The following MARCHF4 variants were observed in gnomAD, a reference collection of about 807,000 sequenced individuals.
The protein encoded by MARCHF4 is membrane associated ring-CH-type finger 4.
In MARCHF4, 14 loss-of-function variants were observed where a neutral mutation model predicts 43.9. That is an observed-to-expected ratio of 0.32 (90% confidence interval 0.21 to 0.50). MARCHF4 has a LOEUF of 0.50. Among genes scored for constraint, MARCHF4 ranks in the 20% least tolerant of loss-of-function variants. The pLI, the probability that MARCHF4 is intolerant of heterozygous loss-of-function variation, is 0.98. For synonymous variants in MARCHF4, 226 were observed against 213.3 expected (o/e 1.06, Z -0.52); for missense variants, 468 against 536.7 (o/e 0.87, Z 1.27).
intron 1 of MARCHF4, among the ~76,000 whole-genome samples, chr2:216,302,419 G>A (rs1387897181): frequency 2.7e-5 from 4 of 149,934 alleles, no homozygotes; most frequent in African/African-American, 9.8e-5. Flanking sequence ...TAGTAGAGAC[G>A]GGGTTTCACC....
chr2:216,297,098 C>G (rs1361269106), intron 1 of MARCHF4, among the ~76,000 whole-genome samples: 3 of 152,230 alleles, frequency 2.0e-5, no homozygotes, highest in African/African-American at 7.2e-5. Flanking sequence ...ATCTGAATTA[C>G]TATGGCGTGT....
intron 1 of MARCHF4, among the ~76,000 whole-genome samples, chr2:216,348,569 G>A (rs1379585681): frequency 6.6e-6 from 1 of 152,140 alleles, no homozygotes; most frequent in East Asian, 1.9e-4. Context: ...GGTCTAAAAA[G>A]GGGAGGCATG....
chr2:216,320,658 TC>T (rs1691871901), intron 1 of MARCHF4, among the ~76,000 whole-genome samples: 4 of 122,882 alleles, frequency 3.3e-5, no homozygotes, highest in African/African-American at 7.6e-5. Context: ...TTTCTTTCTT[TC>T]TTTCTTTCTT....
intron 1 of MARCHF4, chr2:216,321,489 G>T (rs543026387): frequency 6.6e-6 from 1 of 152,286 alleles, no homozygotes; most frequent in Admixed American, 6.5e-5. Context: ...TATGAATGAT[G>T]GCTAGGAACT....
chr2:216,315,579 A>G (rs1206961164), intron 1 of MARCHF4, among the ~76,000 whole-genome samples: 1 of 152,206 alleles, frequency 6.6e-6, no homozygotes, highest in Non-Finnish European at 1.5e-5. Context: ...ATTTTGTTAA[A>G]TTTATATTTT....
intron 3 of MARCHF4, among the ~76,000 whole-genome samples, chr2:216,269,726 A>T (rs1211790482): frequency 1.3e-5 from 2 of 152,156 alleles, no homozygotes; most frequent in Non-Finnish European, 2.9e-5. Flanking sequence ...TGATGGTGTT[A>T]TTATCCTATT....
intron 1 of MARCHF4, among the ~76,000 whole-genome samples, chr2:216,314,042 G>A (rs1019005059): frequency 6.6e-6 from 1 of 152,142 alleles, no homozygotes; most frequent in African/African-American, 2.4e-5. Flanking sequence ...CCAGGTGAAA[G>A]GGGATTATAA....
chr2:216,339,776 A>G (rs1167695939), intron 1 of MARCHF4, among the ~76,000 whole-genome samples: 1 of 152,094 alleles, frequency 6.6e-6, no homozygotes, highest in African/African-American at 2.4e-5. Context: ...GGGCCTCTCA[A>G]GTATAAGGCT....
intron 2 of MARCHF4, among the ~76,000 whole-genome samples, chr2:216,278,568 CACTA>C (rs1691072779): frequency 6.6e-6 from 1 of 152,182 alleles, no homozygotes; most frequent in Non-Finnish European, 1.5e-5. Flanking sequence ...TCTATTTTCT[CACTA>C]ACAGGTGCTG....
chr2:216,352,805 C>G (rs1574486074), intron 1 of MARCHF4, among the ~76,000 whole-genome samples: 1 of 152,190 alleles, frequency 6.6e-6, no homozygotes, highest in Non-Finnish European at 1.5e-5. Context: ...GCACCTTGAG[C>G]AGTTCTCAGT....
Position 216,339,413 on chromosome 2 carries a change from T to TG in MARCHF4, c.516+30331dup, listed in dbSNP as rs530076948. Among the ~76,000 whole-genome samples, 253 of 152,360 alleles carry TG rather than the reference T, an allele frequency of 1.7e-3. 1 individual carries two copies. Among genetic ancestry groups the TG allele is most frequent in the Non-Finnish European group, 3.0e-3 (205 of 68,040 alleles). On this transcript the variant is annotated intron_variant, in intron 1 of 3. Transcript: ENST00000273067. ...ATCCACCCATCCTTCAGGCTCCCAC[T>TG]GCCTTGGCATTTGCACATCACAGGG...
chr2:216,295,036 C>T (rs999311913), intron 1 of MARCHF4, among the ~76,000 whole-genome samples: 4 of 152,190 alleles, frequency 2.6e-5, no homozygotes, highest in Admixed American at 6.5e-5. Context: ...TGGTAGCTCA[C>T]GCCTTTGAAC....
intron 2 of MARCHF4, among the ~76,000 whole-genome samples, chr2:216,281,006 C>A (rs966629552): frequency 6.7e-6 from 1 of 150,174 alleles, no homozygotes; most frequent in Non-Finnish European, 1.5e-5. Context: ...TCTGGAGGGT[C>A]GCTGAGATGA....
chr2:216,341,422 A>G (rs7569944), intron 1 of MARCHF4, among the ~76,000 whole-genome samples: 79,810 of 152,004 alleles, frequency 0.53, 21,866 homozygotes, highest in East Asian at 0.78. Flanking sequence ...CCCCACCCAC[A>G]TTCACTGCTG....
chr2:216,275,053 T>TA (rs1690998447), intron 3 of MARCHF4, among the ~76,000 whole-genome samples: 1 of 152,158 alleles, frequency 6.6e-6, no homozygotes, highest in Non-Finnish European at 1.5e-5. Flanking sequence ...ACAGAATGGA[T>TA]AAATTATGGT....
At chr2:216,361,360 T>C (rs1323681396) in intron 1 of MARCHF4, among the ~76,000 whole-genome samples, 4 of 152,116 alleles carry the variant, frequency 2.6e-5, no homozygotes, top group African/African-American at 9.7e-5. Context: ...GGGCTGTCCA[T>C]CCCATCCCAG....
intron 1 of MARCHF4, among the ~76,000 whole-genome samples, chr2:216,355,381 C>A (rs940361994): frequency 2.6e-5 from 4 of 152,092 alleles, no homozygotes; most frequent in Non-Finnish European, 5.9e-5. Context: ...TACCCAGCAC[C>A]CACCTTCAGC....
intron 1 of MARCHF4, among the ~76,000 whole-genome samples, chr2:216,306,083 T>A (rs1022759346): frequency 3.9e-5 from 6 of 152,244 alleles, no homozygotes; most frequent in African/African-American, 1.4e-4. Flanking sequence ...GTTCACCATT[T>A]CAACTCCAAG....
chr2:216,367,889 A>C (rs947628635), intron 1 of MARCHF4, among the ~76,000 whole-genome samples: 1 of 152,134 alleles, frequency 6.6e-6, no homozygotes, highest in African/African-American at 2.4e-5. Flanking sequence ...TCCTTCCAAG[A>C]TATTTTTACA....
Sources: allele counts gnomAD v4.1 joint callset (sites outside exome capture counted in the v4.1 genomes callset), GRCh38; gene constraint gnomAD v4.1.1; transcripts MANE v1.5; gene names NCBI Gene and HGNC (gene_info 2026-07-23, HGNC 2026-07-21).